The following AMHR2 variants were observed in gnomAD, a reference collection of about 807,000 sequenced individuals.
AMHR2 encodes anti-Mullerian hormone receptor type 2, also known as anti-Muellerian hormone type-2 receptor.
AMHR2 carries 36 observed loss-of-function variants against 61.4 expected under a neutral mutation model. The observed-to-expected ratio is 0.59, with a 90% CI of 0.45 to 0.77. The LOEUF (loss-of-function observed/expected upper bound fraction) is 0.77, where lower values mean the gene tolerates loss of function less well. Among genes scored for constraint, AMHR2 ranks in the 30% least tolerant of loss-of-function variants. The pLI, the probability that AMHR2 is intolerant of heterozygous loss-of-function variation, is 0.00. For synonymous variants in AMHR2, 258 were observed against 279.4 expected (o/e 0.92, Z 0.76); for missense variants, 638 against 714.6 (o/e 0.89, Z 1.22).
rs1193407541 is a variant in AMHR2, at chr12:53,430,065, C to G, written c.1289-81C>G. On this transcript the variant is annotated intron_variant, in intron 9 of 10. Transcript: ENST00000257863. ...CAACCTGACCTGGCCTGAGAAAGCT[C>G]TGCTCTTCCCTGTCTTGCCCTTTCT... 19 of 1,614,012 alleles carry G rather than the reference C, an allele frequency of 1.2e-5. No individual in the cohort carries two copies. The East Asian group carries it at 3.8e-4, about 32-fold the overall frequency.
At position 53,431,169 on chromosome 12, in the gene AMHR2, C is replaced by T; in HGVS notation, c.1426-8C>T. 2 of 1,613,724 alleles carry T rather than the reference C, an allele frequency of 1.2e-6. No individual in the cohort carries two copies. The stretch of plus-strand genomic sequence containing the variant: ...GGGTCAACCCTTCCTCCCTGTCATT[C>T]CCCCCAGGACCCTGATGGGCTGAGG... On this transcript the variant is annotated splice_polypyrimidine_tract_variant and splice_region_variant and intron_variant, in intron 10 of 10. Transcript: ENST00000257863.
At chr12:53,430,835 C>T in intron 10 of AMHR2, 2 of 426,278 alleles carry the variant, frequency 4.7e-6, no homozygotes, top group Non-Finnish European at 8.7e-6. Flanking sequence ...ATTTCCACGG[C>T]ACAAGTCTTA....
At position 53,424,318 on chromosome 12, in the gene AMHR2, T is replaced by C. The variant is rs1218158045; in HGVS notation, c.80T>C (p.Phe27Ser). 6.2e-7 allele frequency: 1 copy of C among 1,612,786 alleles called. No homozygotes were observed. The highest frequency in any genetic ancestry group is 1.7e-5 in the Admixed American group (1 of 60,024). The change falls in exon 2 of 11, where the codon TTT becomes TCT. Residue 27 changes from phenylalanine (F) to serine (S), a missense_variant. Transcript: ENST00000257863. ...CCAAACAGGCGAACCTGTGTGTTCT[T>C]TGAGGCCCCTGGAGTGCGGGGAAGC... Reference protein sequence around the residue: ...APPNRRTCVFFEAPGVRGSTK... With the variant: ...APPNRRTCVFSEAPGVRGSTK...
chr12:53,426,388 C>G (rs374970104), intron 6 of AMHR2, among the ~76,000 whole-genome samples: 2 of 151,994 alleles, frequency 1.3e-5, no homozygotes, highest in East Asian at 3.9e-4. Flanking sequence ...CTTTGGGAGG[C>G]CAAGGTGTGA....
chr12:53,427,695 G>A (rs1172591095), intron 6 of AMHR2, among the ~76,000 whole-genome samples: 2 of 152,164 alleles, frequency 1.3e-5, no homozygotes, highest in Admixed American at 1.3e-4. Flanking sequence ...GAGCCACCCC[G>A]CCCGGCCATG....
chr12:53,424,734 C>A lies in AMHR2; in HGVS notation c.258C>A (p.Gly86=), dbSNP rs1177978758. 6 of 1,613,722 alleles carry A rather than the reference C, an allele frequency of 3.7e-6. No homozygotes were observed. In the African/African-American group the frequency reaches 6.7e-5, roughly 18 times the overall value. ...GATGCCGAGACAGTGATGAGCCAGG[C>A]TGTGAGTCCCTCCACTGTGACCCAA... ...MQGCRDSDEP[G]CESLHCDPSP... Residue 86 remains glycine (G), a synonymous_variant, in exon 3 of 11, where the codon GGC becomes GGA. Coordinates refer to ENST00000257863, the MANE Select transcript of AMHR2 (RefSeq NM_020547.3).
In AMHR2 at chr12:53,430,205, T is replaced by C; in HGVS notation, c.1348T>C (p.Ser450Pro). The C allele has an allele frequency of 1.2e-6, 2 of 1,612,858 alleles. No homozygotes were observed. Among genetic ancestry groups the C allele is most frequent in the South Asian group, 2.2e-5 (2 of 91,078 alleles). ...YEAELGNTPTSDELWALAVQE... is the reference protein window; with the variant it reads ...YEAELGNTPTPDELWALAVQE... The stretch of plus-strand genomic sequence containing the variant: ...GGCAGAACTGGGCAATACCCCTACC[T>C]CTGATGAGCTATGGGCCTTGGCAGT... The change falls in exon 10 of 11, where the codon TCT becomes CCT. Residue 450 changes from serine (S) to proline (P), a missense_variant. Ser to Pro is a moderately conservative substitution (Grantham distance 74). Transcript: ENST00000257863.
chr12:53,429,658 A>G (rs759163108), intron 8 of AMHR2, 33 bp downstream of exon 8: 1 of 1,611,594 alleles, frequency 6.2e-7, no homozygotes, highest in Non-Finnish European at 8.5e-7. Context: ...GAGGCCCAGG[A>G]TGATGTTGGT....
At position 53,431,318 on chromosome 12, in the gene AMHR2, C is replaced by T. The variant is rs1185000329; in HGVS notation, c.1567C>T (p.Arg523Cys). The change falls in exon 11 of 11, where the codon CGT becomes TGT. Residue 523 changes from arginine (R) to cysteine (C), a missense_variant. Coordinates refer to ENST00000257863, the MANE Select transcript of AMHR2 (RefSeq NM_020547.3). ...ESHPFPESCPRGCPPLCPEDC... is the reference protein window; with the variant it reads ...ESHPFPESCPCGCPPLCPEDC... ...CCACCCCTTTCCAGAGAGCTGTCCA[C>T]GTGGCTGCCCACCTCTCTGCCCAGA... The T allele has an allele frequency of 8.7e-6, 14 of 1,614,108 alleles. No homozygotes were observed. The highest frequency in any genetic ancestry group is 1.6e-4 in the Middle Eastern group (1 of 6,084).
In AMHR2 at chr12:53,424,861, C is replaced by T; in HGVS notation, c.385C>T (p.Pro129Ser). Residue 129 changes from proline (P) to serine (S), a missense_variant, in exon 3 of 11, where the codon CCT becomes TCT. Pro to Ser is a moderately conservative substitution (Grantham distance 74). Coordinates refer to ENST00000257863, the MANE Select transcript of AMHR2 (RefSeq NM_020547.3). ...NYSHLPPPGS[P>S]GTPGSQGPQA... ...CAGCCATCTGCCTCCTCCAGGGAGC[C>T]CTGGGACTCCTGGCTCCCAGGGTCC... 1 of 1,613,382 alleles carries T rather than the reference C, an allele frequency of 6.2e-7. No homozygotes were observed. Among genetic ancestry groups the T allele is most frequent in the Non-Finnish European group, 8.5e-7 (1 of 1,179,984 alleles).
At position 53,424,272 on chromosome 12, in the gene AMHR2, C is replaced by T. The variant is rs776308690; in HGVS notation, c.50-16C>T. 4 of 1,612,100 alleles carry T rather than the reference C, an allele frequency of 2.5e-6. No homozygotes were observed. The highest frequency in any genetic ancestry group is 1.7e-5 in the Admixed American group (1 of 60,006). ...TCCCACCTTGAATCTTTTCCTTTCC[C>T]CACCCTGGGCCTCAGCACCCCCAAA... On this transcript the variant is annotated splice_polypyrimidine_tract_variant and intron_variant, in intron 1 of 10. Coordinates refer to ENST00000257863, the MANE Select transcript of AMHR2 (RefSeq NM_020547.3).
Position 53,424,445 on chromosome 12 carries a change from A to G in AMHR2, c.207A>G (p.Gln69=), listed in dbSNP as rs375278532. Reference sequence around the variant, plus strand: ...GCTTTGGGATCTGGAACCTGACCCAAGACCGGGCACAGGTGGAAATGCAAG... The same window carrying G: ...GCTTTGGGATCTGGAACCTGACCCAGGACCGGGCACAGGTGGAAATGCAAG... The part of the protein sequence containing the change: ...RCCFGIWNLT[Q]DRAQVEMQGC... Residue 69 remains glutamine (Q), a synonymous_variant, in exon 2 of 11, where the codon CAA becomes CAG. Coordinates refer to ENST00000257863, the MANE Select transcript of AMHR2 (RefSeq NM_020547.3). 6 of 1,613,394 alleles carry G rather than the reference A, an allele frequency of 3.7e-6. No individual in the cohort carries two copies. The African/African-American group carries it at 6.7e-5, about 18-fold the overall frequency.
intron 10 of AMHR2, 54 bp from the exon 11 acceptor site, chr12:53,431,123 T>C (rs1417622993): frequency 1.2e-6 from 2 of 1,604,188 alleles, no homozygotes; most frequent in Admixed American, 1.7e-5. Flanking sequence ...CTTTTAACCC[T>C]GGGGCCCACT....
intron 7 of AMHR2, 58 bp from the exon 8 acceptor site, chr12:53,429,391 CAAAA>C (rs56681678): frequency 5.2e-6 from 7 of 1,354,178 alleles, no homozygotes; most frequent in Non-Finnish European, 5.1e-6. Flanking sequence ...GACGCCGACT[CAAAA>C]AAAAAAAAAG....
chr12:53,427,487 C>G (rs1939714952), intron 6 of AMHR2, among the ~76,000 whole-genome samples: 1 of 152,116 alleles, frequency 6.6e-6, no homozygotes, highest in South Asian at 2.1e-4. Context: ...CTCACTGCAG[C>G]CTCTACCTCC....
In AMHR2 at chr12:53,429,625, A is replaced by G; in HGVS notation, c.1140A>G (p.Glu380=). 1 of 1,613,924 alleles carries G rather than the reference A, an allele frequency of 6.2e-7. No homozygotes were observed. Among genetic ancestry groups the G allele is most frequent in the Admixed American group, 1.7e-5 (1 of 59,958 alleles). Residue 380 remains glutamate (E), a splice_region_variant and synonymous_variant, in exon 8 of 11, where the codon GAA becomes GAG. Transcript: ENST00000257863. The stretch of plus-strand genomic sequence containing the variant: ...CACAAGGCCCAGCTGCCATCATGGA[A>G]GTGAGTTCTCTGGATAACTGGTGAG... ...TQPQGPAAIM[E]AGTQRYMAPE... is the part of the protein sequence containing the mutation.
At chr12:53,426,982 C>CAA (rs929522833) in intron 6 of AMHR2, among the ~76,000 whole-genome samples, 16,899 of 71,568 alleles carry the variant, frequency 0.24, 1,308 homozygotes, top group Non-Finnish European at 0.27. Context: ...CGTGCCCAGC[C>CAA]AAAAAAAAAA....
intron 4 of AMHR2, 98 bp from the exon 5 acceptor site, chr12:53,425,357 G>A (rs1053610652): frequency 2.1e-5 from 33 of 1,604,184 alleles, no homozygotes; most frequent in East Asian, 4.5e-5. Context: ...CCTGATTCCC[G>A]GACTCCCATG....
rs762345527 is a variant in AMHR2, at chr12:53,431,252, G to C, written c.1501G>C (p.Val501Leu). 3.7e-6 allele frequency: 6 copies of C among 1,614,134 alleles called. No individual in the cohort carries two copies. In the African/African-American group the frequency reaches 4.0e-5, roughly 11 times the overall value. ...AGAAGCACGGCTGACAGCTGAGTGT[G>C]TACAGCAGCGCCTGGCTGCCTTGGC... is the stretch of plus-strand genomic sequence containing the variant. Reference protein sequence around the residue: ...DPEARLTAECVQQRLAALAHP... With the variant: ...DPEARLTAECLQQRLAALAHP... Residue 501 changes from valine (V) to leucine (L), a missense_variant, in exon 11 of 11, where the codon GTA becomes CTA. Physicochemically the swap from Val to Leu is conservative, Grantham distance 32 (BLOSUM62 1). Coordinates refer to ENST00000257863, the MANE Select transcript of AMHR2 (RefSeq NM_020547.3).
Sources: gnomAD v4.1 joint callset for allele counts (sites outside exome capture counted in the v4.1 genomes callset) on GRCh38, gnomAD v4.1.1 for gene constraint, MANE v1.5 for transcripts, NCBI Gene and HGNC (gene_info 2026-07-23, HGNC 2026-07-21) for gene names.